Variants in SPSB4 observed in about 807,000 individuals in gnomAD.
SPSB4 encodes the protein splA/ryanodine receptor domain and SOCS box containing 4, also known as SPRY domain-containing SOCS box protein 4.
SPSB4 carries 21 observed loss-of-function variants against 20.9 expected under a neutral mutation model. The ratio of observed to expected loss-of-function variants is 1.01; its 90% CI spans 0.71 to 1.45. SPSB4 has a LOEUF of 1.45. SPSB4 is among the 40% of genes most tolerant of loss of function. The probability of loss-of-function intolerance (pLI) is 0.00; values close to 1 mark genes in which losing one functional copy is unlikely to be tolerated. For missense variants in SPSB4, 399 were observed against 399.2 expected (o/e 1.00, Z 0.00); for synonymous variants, 207 against 183.8 (o/e 1.13, Z -1.02).
intron 2 of SPSB4, among the ~76,000 whole-genome samples, chr3:141,074,339 A>G (rs1938061904): frequency 1.3e-5 from 2 of 152,232 alleles, no homozygotes; most frequent in African/African-American, 4.8e-5. Context: ...AGCTACTGAA[A>G]AAGCGGTAGG....
intron 2 of SPSB4, among the ~76,000 whole-genome samples, chr3:141,098,290 G>C (rs997754797): frequency 2.0e-5 from 3 of 152,064 alleles, no homozygotes; most frequent in Non-Finnish European, 4.4e-5. Context: ...AAGAATTTTA[G>C]TTAATTATTT....
chr3:141,099,497 C>A (rs1938587161), intron 2 of SPSB4, among the ~76,000 whole-genome samples: 1 of 152,146 alleles, frequency 6.6e-6, no homozygotes, highest in African/African-American at 2.4e-5. Context: ...ATTTACCACC[C>A]ATGTTATTTA....
At chr3:141,105,537 A>T (rs1938674379) in intron 2 of SPSB4, among the ~76,000 whole-genome samples, 1 of 152,230 alleles carries the variant, frequency 6.6e-6, no homozygotes, top group Non-Finnish European at 1.5e-5. Flanking sequence ...CCCCCCGAGG[A>T]TGCAGCAGCC....
At position 141,066,505 on chromosome 3, in the gene SPSB4, G is replaced by A; in HGVS notation, c.401G>A (p.Gly134Asp). 6.6e-7 allele frequency: 1 copy of A among 1,504,204 alleles called. No homozygotes were observed. Among genetic ancestry groups the A allele is most frequent in the Non-Finnish European group, 8.9e-7 (1 of 1,125,674 alleles). The allele number at this position is 1,504,204 out of a possible 1,614,324, so 93.2% of individuals were successfully genotyped here. A position where few individuals can be genotyped will look rare whatever the true frequency, so the allele number is the denominator to read the frequency against. Residue 134 changes from glycine to aspartate, a missense_variant, in exon 2 of 3, where the codon GGC becomes GAC. Gly to Asp is a moderately conservative substitution (Grantham distance 94). Transcript: ENST00000310546. ...TCCGTGGGCTACACGGCGCTGGTAG[G>A]CAGTGACGCCGAGTCGTGGGGCTGG... is the stretch of plus-strand genomic sequence containing the variant. ...LHSVGYTALV[G>D]SDAESWGWDL... is the part of the protein sequence containing the mutation.
chr3:141,112,373 C>A (rs576337475), intron 2 of SPSB4, among the ~76,000 whole-genome samples: 1 of 152,028 alleles, frequency 6.6e-6, no homozygotes, highest in Non-Finnish European at 1.5e-5. Context: ...AGGCCGGGCG[C>A]GGTGGCTCAC....
chr3:141,115,954 C>T (rs1041333463), intron 2 of SPSB4, among the ~76,000 whole-genome samples: 2 of 152,178 alleles, frequency 1.3e-5, no homozygotes, highest in East Asian at 1.9e-4. Context: ...CAAGCTTCCA[C>T]CATCCTCCTC....
chr3:141,098,301 T>A (rs1938572718), intron 2 of SPSB4, among the ~76,000 whole-genome samples: 2 of 152,256 alleles, frequency 1.3e-5, no homozygotes, highest in Admixed American at 6.5e-5. Context: ...TTAATTATTT[T>A]AGTATGGTCC....
intron 2 of SPSB4, among the ~76,000 whole-genome samples, chr3:141,073,383 C>T (rs1001640063): frequency 6.6e-6 from 1 of 152,104 alleles, no homozygotes; most frequent in African/African-American, 2.4e-5. Flanking sequence ...AATTTTTTCT[C>T]TTTTTAAAAT....
At chr3:141,122,222 G>A (rs1226695965) in intron 2 of SPSB4, among the ~76,000 whole-genome samples, 1 of 152,138 alleles carries the variant, frequency 6.6e-6, no homozygotes, top group Non-Finnish European at 1.5e-5. Context: ...TCCAGACCCT[G>A]TTTGCCTGGG....
At chr3:141,056,063 C>T (rs975340973) in intron 1 of SPSB4, among the ~76,000 whole-genome samples, 3 of 152,134 alleles carry the variant, frequency 2.0e-5, no homozygotes, top group African/African-American at 7.2e-5. Context: ...TGGGGGTGCC[C>T]CATTGATGGG....
At chr3:141,073,367 C>T (rs1289485734) in intron 2 of SPSB4, among the ~76,000 whole-genome samples, 2 of 152,164 alleles carry the variant, frequency 1.3e-5, no homozygotes, top group Non-Finnish European at 2.9e-5. Flanking sequence ...ACAGTAGAAT[C>T]ACGTTAATTT....
intron 2 of SPSB4, among the ~76,000 whole-genome samples, chr3:141,145,005 G>T (rs1175584521): frequency 1.3e-5 from 2 of 152,070 alleles, no homozygotes; most frequent in Non-Finnish European, 1.5e-5. Context: ...CTGAGGGAGG[G>T]TTGTCAAATG....
At chr3:141,117,656 C>T (rs1440684996) in intron 2 of SPSB4, among the ~76,000 whole-genome samples, 3 of 152,182 alleles carry the variant, frequency 2.0e-5, no homozygotes, top group African/African-American at 7.2e-5. Context: ...CTATAGCCCC[C>T]ATCCCCCGCC....
intron 2 of SPSB4, among the ~76,000 whole-genome samples, chr3:141,108,193 C>T (rs1185018766): frequency 6.6e-6 from 1 of 151,918 alleles, no homozygotes; most frequent in Non-Finnish European, 1.5e-5. Context: ...AACCCCTTCT[C>T]GTGGGAGTCT....
At chr3:141,065,555 A>G (rs1937847225) in intron 1 of SPSB4, among the ~76,000 whole-genome samples, 1 of 152,156 alleles carries the variant, frequency 6.6e-6, no homozygotes, top group African/African-American at 2.4e-5. Context: ...CTCACGCCTT[A>G]TTTCTAAAAT....
chr3:141,137,468 G>T (rs949650843), intron 2 of SPSB4, among the ~76,000 whole-genome samples: 1 of 152,074 alleles, frequency 6.6e-6, no homozygotes, highest in South Asian at 2.1e-4. Flanking sequence ...ATTGGCTGTG[G>T]GTTTGTCATA....
chr3:141,062,763 C>CT (rs1287991118), intron 1 of SPSB4, among the ~76,000 whole-genome samples: 2 of 151,862 alleles, frequency 1.3e-5, no homozygotes, highest in Non-Finnish European at 2.9e-5. Context: ...ATTATTTTTG[C>CT]TTTTTTTGAA....
At chr3:141,145,457 C>T (rs986225329) in intron 2 of SPSB4, among the ~76,000 whole-genome samples, 3 of 152,110 alleles carry the variant, frequency 2.0e-5, no homozygotes, top group African/African-American at 7.2e-5. Context: ...CGACTCTTGA[C>T]TACATTCCCA....
intron 2 of SPSB4, among the ~76,000 whole-genome samples, chr3:141,070,872 T>C (rs1231174144): frequency 1.3e-5 from 2 of 152,230 alleles, no homozygotes; most frequent in Non-Finnish European, 2.9e-5. Context: ...TGGAGACGTT[T>C]ACCCTCAAGG....
Sources: allele counts gnomAD v4.1 joint callset (sites outside exome capture counted in the v4.1 genomes callset), GRCh38; gene constraint gnomAD v4.1.1; transcripts MANE v1.5; gene names NCBI Gene and HGNC (gene_info 2026-07-23, HGNC 2026-07-21).